Variants in MALRD1 observed in about 807,000 individuals in gnomAD.
MALRD1 encodes MAM and LDL-receptor class A domain-containing protein 1.
In MALRD1, 247 loss-of-function variants were observed where a neutral mutation model predicts 242.1. The ratio of observed to expected loss-of-function variants is 1.02; its 90% CI spans 0.92 to 1.13. The LOEUF (loss-of-function observed/expected upper bound fraction) is 1.13. MALRD1 is among the 50% of genes most tolerant of loss of function. The pLI is 0.00. For synonymous variants in MALRD1, 995 were observed against 866.6 expected, an observed-to-expected ratio of 1.15 and a Z score of -2.60; for missense variants, 2,989 against 2,533.1, an observed-to-expected ratio of 1.18 and a Z score of -3.86.
intron 4 of MALRD1, among the ~76,000 whole-genome samples, chr10:19,103,442 T>A (rs975386712): frequency 6.0e-5 from 9 of 150,942 alleles, no homozygotes; most frequent in African/African-American, 9.8e-5. Context: ...GCGCCTGTAG[T>A]CCCAGCTACT....
chr10:19,277,018 C>G (rs1163779885), intron 19 of MALRD1, among the ~76,000 whole-genome samples: 1 of 152,088 alleles, frequency 6.6e-6, no homozygotes, highest in Non-Finnish European at 1.5e-5. Flanking sequence ...CTCCCCAACT[C>G]AAGTGATTTT....
chr10:19,571,491 G>A (rs1836536173), intron 33 of MALRD1, among the ~76,000 whole-genome samples: 1 of 152,124 alleles, frequency 6.6e-6, no homozygotes, highest in Admixed American at 6.5e-5. Context: ...GATAAAGGAA[G>A]CATTCTTTTT....
chr10:19,571,016 A>T (rs925742336), intron 33 of MALRD1, among the ~76,000 whole-genome samples: 2 of 152,126 alleles, frequency 1.3e-5, no homozygotes, highest in Non-Finnish European at 2.9e-5. Context: ...TGGAATTATT[A>T]TAGGGAACTA....
chr10:19,215,734 A>AACCTTTGCATAG (rs1564473191), intron 18 of MALRD1, among the ~76,000 whole-genome samples: 2 of 87,942 alleles, frequency 2.3e-5, no homozygotes, highest in Admixed American at 1.2e-4. Flanking sequence ...AGTATAAATA[A>AACCTTTGCATAG]TTTAGTATAA....
chr10:19,591,596 T>C (rs1296030725), intron 33 of MALRD1, among the ~76,000 whole-genome samples: 1 of 151,694 alleles, frequency 6.6e-6, no homozygotes, highest in East Asian at 1.9e-4. Flanking sequence ...CCTCCTCGGT[T>C]CAAGCGATAA....
rs78436488 is a variant in MALRD1 at position 19,580,637 on chromosome 10, T to C, written c.5680+12934T>C. On this transcript the variant is annotated intron_variant, in intron 33 of 39. Transcript: ENST00000454679. Reference sequence around the variant, plus strand: ...ATAAGTGCATTTATGTTGTGTTAAGTCTGAATTTTTTCCAGCTCCCTCTTA... The same window carrying C: ...ATAAGTGCATTTATGTTGTGTTAAGCCTGAATTTTTTCCAGCTCCCTCTTA... Among the ~76,000 whole-genome samples the C allele has an allele frequency of 2.6e-3, 398 of 152,300 alleles. 7 individuals carry two copies. In the East Asian group the frequency reaches 0.059, roughly 23 times the overall value.
intron 31 of MALRD1, among the ~76,000 whole-genome samples, chr10:19,519,970 C>T (rs1210019626): frequency 6.6e-6 from 1 of 152,070 alleles, no homozygotes; most frequent in Non-Finnish European, 1.5e-5. Context: ...GTTATGTCCA[C>T]CTAAATAGAA....
chr10:19,125,352 T>A (rs949775371), intron 7 of MALRD1, among the ~76,000 whole-genome samples: 1 of 105,814 alleles, frequency 9.5e-6, no homozygotes, highest in Non-Finnish European at 1.9e-5. Flanking sequence ...TTTCTTTCTT[T>A]CTTTCTTTCT....
At chr10:19,684,625 G>T (rs1842501217) in intron 36 of MALRD1, among the ~76,000 whole-genome samples, 1 of 152,164 alleles carries the variant, frequency 6.6e-6, no homozygotes, top group Non-Finnish European at 1.5e-5. Context: ...GCTGGCACAT[G>T]CCTGTAGTCT....
chr10:19,509,599 T>C (rs1353283924), intron 31 of MALRD1, among the ~76,000 whole-genome samples: 1 of 152,168 alleles, frequency 6.6e-6, no homozygotes, highest in South Asian at 2.1e-4. Flanking sequence ...GTGGATATAT[T>C]TGGTCTCAGT....
chr10:19,332,896 T>C (rs1213521254), intron 24 of MALRD1, among the ~76,000 whole-genome samples: 1 of 152,172 alleles, frequency 6.6e-6, no homozygotes, highest in African/African-American at 2.4e-5. Flanking sequence ...TATTATACTT[T>C]AAGTTCTCGG....
In MALRD1 at chr10:19,423,544, C is replaced by T. The variant is rs141372767; in HGVS notation, c.4846-26763C>T. Among the ~76,000 whole-genome samples, 393 of 152,066 alleles carry T rather than the reference C, an allele frequency of 2.6e-3. 1 individual carries two copies. Among genetic ancestry groups the T allele is most frequent in the African/African-American group, 9.1e-3 (379 of 41,496 alleles). ...ACAAAATACATTAAGCCGTGAGTCA[C>T]TCTGTCTGCAAGCTATGTAGTACAG... On this transcript the variant is annotated intron_variant, in intron 28 of 39. Coordinates refer to ENST00000454679, the MANE Select transcript of MALRD1 (RefSeq NM_001142308.3).
At chr10:19,500,922 A>G (rs1837938798) in intron 31 of MALRD1, among the ~76,000 whole-genome samples, 1 of 152,170 alleles carries the variant, frequency 6.6e-6, no homozygotes, top group Admixed American at 6.5e-5. Flanking sequence ...TGGAGCTTAC[A>G]TTACAGAAGG....
chr10:19,358,963 G>A (rs1469727570), intron 26 of MALRD1, among the ~76,000 whole-genome samples: 3 of 152,160 alleles, frequency 2.0e-5, no homozygotes, highest in Non-Finnish European at 2.9e-5. Context: ...ATTGCTAAAT[G>A]TGGTGGTTTA....
At chr10:19,206,890 A>G (rs995711894) in intron 17 of MALRD1, among the ~76,000 whole-genome samples, 1 of 152,156 alleles carries the variant, frequency 6.6e-6, no homozygotes, top group Non-Finnish European at 1.5e-5. Flanking sequence ...CCCTACAGCC[A>G]AAGACTGACA....
chr10:19,592,288 A>G (rs897412139), intron 33 of MALRD1, among the ~76,000 whole-genome samples: 1 of 152,232 alleles, frequency 6.6e-6, no homozygotes, highest in African/African-American at 2.4e-5. Context: ...TTTAGCTGTG[A>G]TGCAGGTGCA....
chr10:19,701,973 C>G lies in MALRD1; in HGVS notation c.6314+9419C>G, dbSNP rs1035769538. ...AGTTGGACAATAAACTTAAACTTCTCAAAAGAAAATTCTTATTTCATTGAC... is the reference window on the plus strand; with the variant it reads ...AGTTGGACAATAAACTTAAACTTCTGAAAAGAAAATTCTTATTTCATTGAC... On this transcript the variant is annotated intron_variant, in intron 38 of 39. Coordinates refer to ENST00000454679, the MANE Select transcript of MALRD1 (RefSeq NM_001142308.3). Among the ~76,000 whole-genome samples the G allele has an allele frequency of 4.6e-5, 7 of 151,962 alleles. No homozygotes were observed. In the East Asian group the frequency reaches 1.4e-3, roughly 30 times the overall value.
At chr10:19,252,342 A>C (rs888771711) in intron 18 of MALRD1, among the ~76,000 whole-genome samples, 2 of 152,058 alleles carry the variant, frequency 1.3e-5, no homozygotes, top group Non-Finnish European at 2.9e-5. Flanking sequence ...TCTCTATCGT[A>C]AATGGTGAGA....
In MALRD1 at chr10:19,530,439, A is replaced by AAATATTATATAAT. The variant is rs1468184871; in HGVS notation, c.5321-755_5321-754insAATATTATATAAT. ...TAATAATAAATATATAATATATATA[A>AAATATTATATAAT]TATATAATATATAATATATAATAAT... On this transcript the variant is annotated intron_variant, in intron 31 of 39. Transcript: ENST00000454679. 2.2e-5 allele frequency among the ~76,000 whole-genome samples: 2 copies of AAATATTATATAAT among 90,710 alleles called. 1 individual carries two copies. The highest frequency in any genetic ancestry group is 4.1e-5 in the Non-Finnish European group (2 of 48,234). 59.5% of individuals were successfully genotyped at this position (90,710 alleles called of 152,430 possible). A position where few individuals can be genotyped will look rare whatever the true frequency, so the allele number is the denominator to read the frequency against.
Sources: allele counts gnomAD v4.1 joint callset (sites outside exome capture counted in the v4.1 genomes callset), GRCh38; gene constraint gnomAD v4.1.1; transcripts MANE v1.5; gene names NCBI Gene and HGNC (gene_info 2026-07-23, HGNC 2026-07-21).